Variants in SHROOM3 observed in about 807,000 individuals in gnomAD.
SHROOM3 encodes shroom family member 3, also known as protein Shroom3.
A neutral mutation model predicts 138.6 loss-of-function variants in SHROOM3; 47 were observed. That is an observed-to-expected ratio of 0.34 (90% CI 0.27 to 0.43). The LOEUF (loss-of-function observed/expected upper bound fraction) is 0.43. SHROOM3 is among the 20% of genes least tolerant of loss of function. The probability of loss-of-function intolerance (pLI) is 1.00; values close to 1 mark genes in which losing one functional copy is unlikely to be tolerated. For synonymous variants in SHROOM3, 1,062 were observed against 1,063.3 expected (o/e 1.00, Z 0.02); for missense variants, 2,491 against 2,596.5 (o/e 0.96, Z 0.88).
At chr4:76,608,810 G>A (rs867347124) in intron 2 of SHROOM3, among the ~76,000 whole-genome samples, 5 of 152,140 alleles carry the variant, frequency 3.3e-5, no homozygotes, top group Admixed American at 1.3e-4. Flanking sequence ...ATAACCTTGA[G>A]CAAGTTACTT....
At position 76,532,108 on chromosome 4, in the gene SHROOM3, C is replaced by T. The variant is rs567693824; in HGVS notation, c.169-23501C>T. On this transcript the variant is annotated intron_variant, in intron 1 of 10. Transcript: ENST00000296043. ...GTGTCTGATGTTCCCCTTCCTGTGA[C>T]CAAGTGTTCTCATTGTTCAATTCCC... The T allele has an allele frequency of 8.0e-4, 117 of 145,626 alleles. 1 individual carries two copies. Among genetic ancestry groups the T allele is most frequent in the African/African-American group, 2.8e-3 (110 of 39,092 alleles). The allele number at this position is 145,626 out of a possible 1,614,324, so 9.0% of individuals were successfully genotyped here.
At chr4:76,438,267 T>C (rs1222475284) in intron 1 of SHROOM3, among the ~76,000 whole-genome samples, 1 of 152,200 alleles carries the variant, frequency 6.6e-6, no homozygotes, top group East Asian at 1.9e-4. Context: ...CCTGGAGTGA[T>C]ATCTCATCTT....
At chr4:76,641,147 A>C (rs1387825379) in intron 2 of SHROOM3, among the ~76,000 whole-genome samples, 4 of 152,226 alleles carry the variant, frequency 2.6e-5, no homozygotes, top group African/African-American at 9.7e-5. Flanking sequence ...CCAATGTATT[A>C]ATTTAAATCA....
chr4:76,689,608 CGCCGCCTCCTCG>C (rs1719451092), intron 2 of SHROOM3: 1 of 985,226 alleles, frequency 1.0e-6, no homozygotes. Flanking sequence ...CGATGCCGCG[CGCCGCCTCCTCG>C]GAGCGGCGGC....
chr4:76,477,581 T>C (rs1354736300), intron 1 of SHROOM3, among the ~76,000 whole-genome samples: 1 of 152,244 alleles, frequency 6.6e-6, no homozygotes, highest in Non-Finnish European at 1.5e-5. Context: ...TATATGTGTG[T>C]GCATATATAT....
intron 8 of SHROOM3, among the ~76,000 whole-genome samples, chr4:76,757,786 G>A (rs1001052149): frequency 6.6e-6 from 1 of 152,164 alleles, no homozygotes; most frequent in Non-Finnish European, 1.5e-5. Flanking sequence ...GTATTTTCTT[G>A]CATGTTTTAT....
intron 1 of SHROOM3, among the ~76,000 whole-genome samples, chr4:76,437,465 T>A (rs539282690): frequency 6.6e-6 from 1 of 152,202 alleles, no homozygotes; most frequent in Non-Finnish European, 1.5e-5. Flanking sequence ...GCCATTCTTA[T>A]GATGTTGGCT....
chr4:76,681,457 A>T (rs1443111566), intron 2 of SHROOM3, among the ~76,000 whole-genome samples: 1 of 144,124 alleles, frequency 6.9e-6, no homozygotes, highest in East Asian at 2.0e-4. Context: ...TGTTTCTTTA[A>T]AAAAAAAAAA....
chr4:76,477,007 GCCCAGGCTGGAGTGCAGCGGCCTCAT>G (rs1731497919), intron 1 of SHROOM3, among the ~76,000 whole-genome samples: 1 of 152,110 alleles, frequency 6.6e-6, no homozygotes, highest in Admixed American at 6.5e-5. Flanking sequence ...TCACTCTGTT[GCCCAGGCTGGAGTGCAGCGGCCTCAT>G]CTCGGCTCAC....
chr4:76,684,280 A>T (rs1719273868), intron 2 of SHROOM3, among the ~76,000 whole-genome samples: 1 of 152,188 alleles, frequency 6.6e-6, no homozygotes, highest in South Asian at 2.1e-4. Flanking sequence ...ACTGTTATTT[A>T]ACCAGTGACC....
At chr4:76,518,208 G>T (rs952039795) in intron 1 of SHROOM3, among the ~76,000 whole-genome samples, 2 of 151,948 alleles carry the variant, frequency 1.3e-5, no homozygotes, top group African/African-American at 4.8e-5. Flanking sequence ...CTGATAAATA[G>T]GGGGAAAGAC....
intron 1 of SHROOM3, among the ~76,000 whole-genome samples, chr4:76,523,858 G>C (rs1327844687): frequency 6.6e-6 from 1 of 152,232 alleles, no homozygotes; most frequent in Admixed American, 6.5e-5. Context: ...GTTGGAACAA[G>C]GGGCGTGTGT....
At chr4:76,773,053 T>C (rs1560624905) in intron 10 of SHROOM3, among the ~76,000 whole-genome samples, 1 of 152,090 alleles carries the variant, frequency 6.6e-6, no homozygotes. Flanking sequence ...GTCTAGAACA[T>C]ACAGTGATTG....
At chr4:76,649,375 G>T (rs559110471) in intron 2 of SHROOM3, among the ~76,000 whole-genome samples, 1 of 152,136 alleles carries the variant, frequency 6.6e-6, no homozygotes, top group Non-Finnish European at 1.5e-5. Flanking sequence ...GTCTTAAAAA[G>T]ATCCCCCAAA....
In SHROOM3 at chr4:76,741,235, C is replaced by T. The variant is rs1261271318; in HGVS notation, c.3062C>T (p.Ser1021Leu). Reference sequence around the variant, plus strand: ...CCCGAGCAGAAGAAGCGCTCCTACTCGGAGCCCGAGAAGATGAACGAGGTG... The same window carrying T: ...CCCGAGCAGAAGAAGCGCTCCTACTTGGAGCCCGAGAAGATGAACGAGGTG... ...LTPEQKKRSY[S>L]EPEKMNEVGI... is the part of the protein sequence containing the mutation. Residue 1021 changes from serine (S) to leucine (L), a missense_variant, in exon 5 of 11, where the codon TCG becomes TTG. Coordinates refer to ENST00000296043, the MANE Select transcript of SHROOM3 (RefSeq NM_020859.4). This position sits in a 1 kb window ranked among gnomAD's most constrained non-coding sequence, Gnocchi z 6.2. 3 of 1,611,060 alleles carry T rather than the reference C, an allele frequency of 1.9e-6. No individual in the cohort carries two copies. The highest frequency in any genetic ancestry group is 1.1e-5 in the South Asian group (1 of 90,866).
At chr4:76,743,088 G>C (rs1255977377) in intron 5 of SHROOM3, among the ~76,000 whole-genome samples, 1 of 152,232 alleles carries the variant, frequency 6.6e-6, no homozygotes, top group Non-Finnish European at 1.5e-5. Flanking sequence ...GGAAAGGAAA[G>C]TGATTAATTC....
At chr4:76,742,105 CTTA>C (rs1410010954) in intron 5 of SHROOM3, 179 bp downstream of exon 5, 1 of 812,664 alleles carries the variant, frequency 1.2e-6, no homozygotes, top group South Asian at 1.5e-5. Context: ...ACCTGGTTTC[CTTA>C]TAAAGATATA....
Position 76,439,428 on chromosome 4 carries a change from G to A in SHROOM3, c.168+3208G>A, listed in dbSNP as rs571680079. Among the ~76,000 whole-genome samples, 18 of 152,294 alleles carry A rather than the reference G, an allele frequency of 1.2e-4. 1 individual carries two copies. The South Asian group carries it at 3.5e-3, about 30-fold the overall frequency. ...ATTCACAGGTTTCAGGGATTAGAATGCAGACATCTTAGGGGAGACAGGGCA... is the reference window on the plus strand; with the variant it reads ...ATTCACAGGTTTCAGGGATTAGAATACAGACATCTTAGGGGAGACAGGGCA... On this transcript the variant is annotated intron_variant, in intron 1 of 10. Transcript: ENST00000296043.
intron 1 of SHROOM3, among the ~76,000 whole-genome samples, chr4:76,544,009 A>G (rs17002082): frequency 0.034 from 5,111 of 152,258 alleles, 301 homozygotes; most frequent in African/African-American, 0.12. Context: ...GGATTTCAAT[A>G]CCATTATCCT....
Sources: allele counts gnomAD v4.1 joint callset (sites outside exome capture counted in the v4.1 genomes callset), GRCh38; gene constraint gnomAD v4.1.1; non-coding constraint Gnocchi (gnomAD v3.1); transcripts MANE v1.5; gene names NCBI Gene and HGNC (gene_info 2026-07-23, HGNC 2026-07-21).